The following NOL10 variants were observed in gnomAD, a reference collection of about 807,000 sequenced individuals.
The protein encoded by NOL10 is nucleolar protein 10.
A neutral mutation model predicts 103.5 loss-of-function variants in NOL10; 58 were observed. The observed-to-expected ratio is 0.56, with a 90% CI of 0.45 to 0.70. The LOEUF is 0.70. Among genes scored for constraint, NOL10 ranks in the 30% least tolerant of loss-of-function variants. NOL10 has a pLI of 0.00. For synonymous variants in NOL10, 287 were observed against 282.5 expected (o/e 1.02, Z -0.16); for missense variants, 763 against 807.3 (o/e 0.95, Z 0.67).
In NOL10 at chr2:10,577,697, C is replaced by T. The variant is rs369260781; in HGVS notation, c.1886G>A (p.Gly629Glu). 3.7e-6 allele frequency: 6 copies of T among 1,612,342 alleles called. No individual in the cohort carries two copies. Among genetic ancestry groups the T allele is most frequent in the Non-Finnish European group, 5.1e-6 (6 of 1,179,138 alleles). ...GGTGGTGTCGGATACACTCAATGTC[C>T]CATTTTTTGCTTCAATTTTCAAACG... ...EDRLKIEAKN[G>E]TLSVSDTTVG... The change falls in exon 20 of 21, where the codon GGG becomes GAG. Residue 629 changes from glycine (G) to glutamate (E), a missense_variant. Gly to Glu is a moderately conservative substitution (Grantham distance 98). Coordinates refer to ENST00000381685, the MANE Select transcript of NOL10 (RefSeq NM_024894.4).
At chr2:10,577,415 C>T (rs982677306) in intron 20 of NOL10, among the ~76,000 whole-genome samples, 1 of 152,230 alleles carries the variant, frequency 6.6e-6, no homozygotes, top group African/African-American at 2.4e-5. Flanking sequence ...CTCCCTGTCT[C>T]CCTTGGAACA....
chr2:10,671,768 A>G (rs1680958769), intron 5 of NOL10, 78 bp from the exon 6 acceptor site: 1 of 984,488 alleles, frequency 1.0e-6, no homozygotes, highest in Non-Finnish European at 1.5e-6. Context: ...AAAACTGGCA[A>G]ACCAAGGAAA....
chr2:10,665,942 T>C (rs1389954796), intron 8 of NOL10, among the ~76,000 whole-genome samples: 1 of 152,222 alleles, frequency 6.6e-6, no homozygotes, highest in African/African-American at 2.4e-5. Context: ...TACACTGGTA[T>C]ATTGCATAAT....
intron 6 of NOL10, among the ~76,000 whole-genome samples, chr2:10,669,645 A>G (rs1472981670): frequency 6.6e-6 from 1 of 150,898 alleles, no homozygotes; most frequent in Non-Finnish European, 1.5e-5. Context: ...TGTAATCCCA[A>G]CACTTTGGGA....
chr2:10,572,217 G>A, intron 20 of NOL10, 27 bp from the exon 21 acceptor site: 1 of 1,612,462 alleles, frequency 6.2e-7, no homozygotes, highest in Non-Finnish European at 8.5e-7. Flanking sequence ...AATGAGTAGA[G>A]GGAAAGAGAG....
intron 13 of NOL10, among the ~76,000 whole-genome samples, chr2:10,631,903 G>C (rs1291237583): frequency 6.6e-6 from 1 of 152,024 alleles, no homozygotes; most frequent in Admixed American, 6.6e-5. Flanking sequence ...TAGTAGAGAC[G>C]GGGTTTCTCC....
chr2:10,679,059 T>C (rs935023357), intron 3 of NOL10, among the ~76,000 whole-genome samples: 3 of 152,132 alleles, frequency 2.0e-5, no homozygotes, highest in East Asian at 1.9e-4. Context: ...CCCATCTCCA[T>C]TTAAAAAATA....
Position 10,587,208 on chromosome 2 carries a change from T to TATATATACACAC in NOL10, c.1844+1834_1844+1835insGTGTGTATATAT. On this transcript the variant is annotated intron_variant, in intron 19 of 20. Coordinates refer to ENST00000381685, the MANE Select transcript of NOL10 (RefSeq NM_024894.4). The stretch of plus-strand genomic sequence containing the variant: ...ATATATATACACATATATATACACA[T>TATATATACACAC]ATATATATACATATATATACATATA... Among the ~76,000 whole-genome samples the TATATATACACAC allele has an allele frequency of 8.0e-5, 3 of 37,592 alleles. 1 individual carries two copies. Among genetic ancestry groups the TATATATACACAC allele is most frequent in the East Asian group, 1.4e-3 (2 of 1,474 alleles). The allele number at this position is 37,592 out of a possible 152,430, so 24.7% of individuals were successfully genotyped here. A position where few individuals can be genotyped will look rare whatever the true frequency, so the allele number is the denominator to read the frequency against.
chr2:10,684,911 C>T (rs1382247899), intron 1 of NOL10, among the ~76,000 whole-genome samples: 1 of 152,106 alleles, frequency 6.6e-6, no homozygotes, highest in Admixed American at 6.6e-5. Context: ...TGTAGCTCAC[C>T]GAAGGCTCAA....
intron 3 of NOL10, among the ~76,000 whole-genome samples, chr2:10,679,324 A>G (rs1681556005): frequency 6.7e-6 from 1 of 150,360 alleles, no homozygotes; most frequent in Non-Finnish European, 1.5e-5. Context: ...GCACCACTGC[A>G]TTCCAACCTG....
chr2:10,604,279 T>C (rs1676134211), intron 14 of NOL10, among the ~76,000 whole-genome samples: 1 of 152,216 alleles, frequency 6.6e-6, no homozygotes, highest in Admixed American at 6.5e-5. Flanking sequence ...AGTGACTGTC[T>C]TTCTAAGGAA....
chr2:10,685,501 CCCCCCCG>C (rs1553317229), intron 1 of NOL10, among the ~76,000 whole-genome samples: 9 of 15,632 alleles, frequency 5.8e-4, no homozygotes, highest in African/African-American at 7.5e-4. Context: ...CCCCCCCCCC[CCCCCCCG>C]CCAAAAAAAA....
In NOL10 at chr2:10,689,929, G is replaced by A. The variant is rs1682519825; in HGVS notation, c.-68C>T. 21 of 1,456,978 alleles carry A rather than the reference G, an allele frequency of 1.4e-5. No homozygotes were observed. The highest frequency in any genetic ancestry group is 1.7e-5 in the Non-Finnish European group (18 of 1,060,974). 90.3% of individuals were successfully genotyped at this position (1,456,978 alleles called of 1,614,324 possible). A position where few individuals can be genotyped will look rare whatever the true frequency, so the allele number is the denominator to read the frequency against. On this transcript the variant is annotated 5_prime_UTR_variant, in exon 1 of 21. Transcript: ENST00000381685. The stretch of plus-strand genomic sequence containing the variant: ...AGCGTGCTCGAGCACCGTAATCCCG[G>A]GACCTCCGAGCCCCTGCTCCGCGGC...
rs575113026 is a variant in NOL10, at chr2:10,645,875, G to A, written c.974-1503C>T. Reference sequence around the variant, plus strand: ...CACGTCTTGCCAATAACTCAGAAGTGTGAGCTAGCCCTGAACTGGGACCAA... The same window carrying A: ...CACGTCTTGCCAATAACTCAGAAGTATGAGCTAGCCCTGAACTGGGACCAA... On this transcript the variant is annotated intron_variant, in intron 12 of 20. Transcript: ENST00000381685. Among the ~76,000 whole-genome samples, 164 of 151,802 alleles carry A rather than the reference G, an allele frequency of 1.1e-3. 1 individual carries two copies. The highest frequency in any genetic ancestry group is 3.9e-3 in the African/African-American group (160 of 41,372).
chr2:10,650,224 G>T (rs1463560645), intron 12 of NOL10, among the ~76,000 whole-genome samples: 1 of 152,088 alleles, frequency 6.6e-6, no homozygotes, highest in Non-Finnish European at 1.5e-5. Context: ...TTAGTTTCAA[G>T]ATCACAGCTC....
chr2:10,657,226 G>A (rs148241260), intron 11 of NOL10, among the ~76,000 whole-genome samples: 84 of 152,090 alleles, frequency 5.5e-4, no homozygotes, highest in African/African-American at 2.0e-3. Context: ...GCTAAGGCAC[G>A]AGAATTGCTT....
intron 16 of NOL10, among the ~76,000 whole-genome samples, chr2:10,601,189 G>A (rs1394736837): frequency 3.3e-5 from 5 of 151,266 alleles, no homozygotes; most frequent in African/African-American, 7.3e-5. Flanking sequence ...TCAGCCTCCC[G>A]AGTAGCTGGG....
rs1680713472 is a variant in NOL10, at chr2:10,668,704, T to TTAACC, written c.479_483dup (p.Asn162GlyfsTer2). ...TTCAGGTATCGTCCTTGTTCTAAGT[T>TTAACC]TAACCTATAAACTTCAGAACTGTAA... On this transcript the variant is annotated frameshift_variant, in exon 7 of 21. Transcript: ENST00000381685. LOFTEE classifies it high-confidence loss of function. The TTAACC allele has an allele frequency of 6.5e-7, 1 of 1,537,574 alleles. No individual in the cohort carries two copies. Among genetic ancestry groups the TTAACC allele is most frequent in the Non-Finnish European group, 8.8e-7 (1 of 1,130,140 alleles).
intron 11 of NOL10, among the ~76,000 whole-genome samples, chr2:10,656,758 G>A (rs11903800): frequency 0.3 from 45,015 of 151,866 alleles, 7,083 homozygotes; most frequent in African/African-American, 0.34. Context: ...CATCACAAAT[G>A]GGAATTTTTT....
Sources: allele counts gnomAD v4.1 joint callset (sites outside exome capture counted in the v4.1 genomes callset), GRCh38; gene constraint gnomAD v4.1.1; transcripts MANE v1.5; gene names NCBI Gene and HGNC (gene_info 2026-07-23, HGNC 2026-07-21).